The following ATXN8OS variants were observed in gnomAD, a reference collection of about 807,000 sequenced individuals.
ATXN8OS encodes ATXN8 opposite strand (non-protein coding).
chr13:70,143,474 C>T (rs941421884), intron 3 of ATXN8OS, among the ~76,000 whole-genome samples: 65 of 152,102 alleles, frequency 4.3e-4, no homozygotes, highest in African/African-American at 1.4e-3. Flanking sequence ...TCTGTGCTCA[C>T]GTCAAATGAA....
intron 1 of ATXN8OS, among the ~76,000 whole-genome samples, chr13:70,114,881 C>G (rs1023888613): frequency 1.3e-5 from 2 of 151,984 alleles, no homozygotes; most frequent in Non-Finnish European, 2.9e-5. Context: ...ACTTTTTCTC[C>G]TATTTTAAAA....
At chr13:70,111,831 T>A (rs1200601581) in intron 1 of ATXN8OS, among the ~76,000 whole-genome samples, 2 of 152,218 alleles carry the variant, frequency 1.3e-5, no homozygotes, top group African/African-American at 4.8e-5. Context: ...AACATTTGAA[T>A]GGCTAATTAT....
intron 3 of ATXN8OS, chr13:70,131,446 C>T (rs17823784): frequency 0.14 from 56,306 of 398,372 alleles, 4,382 homozygotes; most frequent in Admixed American, 0.22. Context: ...GGGCCAGCAG[C>T]TTCCAGTCAC....
intron 4 of ATXN8OS, among the ~76,000 whole-genome samples, chr13:70,147,800 G>A (rs752615446): frequency 6.6e-6 from 1 of 152,142 alleles, no homozygotes; most frequent in Non-Finnish European, 1.5e-5. Flanking sequence ...TGCCCAAGAT[G>A]ATACAGCCTC....
chr13:70,138,787 T>G (rs955967979), intron 3 of ATXN8OS, among the ~76,000 whole-genome samples: 3 of 152,126 alleles, frequency 2.0e-5, no homozygotes, highest in Non-Finnish European at 4.4e-5. Context: ...ATTTTAACCT[T>G]TAATTTAAAA....
chr13:70,146,073 A>G (rs1888782059), intron 3 of ATXN8OS, among the ~76,000 whole-genome samples: 1 of 138,796 alleles, frequency 7.2e-6, no homozygotes. Flanking sequence ...CAAGAAAAAA[A>G]AAAAACAACC....
At chr13:70,131,523 A>G (rs2137483642) in intron 3 of ATXN8OS, 1 of 398,398 alleles carries the variant, frequency 2.5e-6, no homozygotes, top group African/African-American at 2.1e-5. Flanking sequence ...ATATTCCTGT[A>G]ATTAAATATT....
chr13:70,131,200 T>C (rs1191273654), intron 3 of ATXN8OS: 10 of 397,368 alleles, frequency 2.5e-5, no homozygotes, highest in Non-Finnish European at 4.4e-5. Flanking sequence ...AGTATATCTG[T>C]CACAATGTGT....
intron 3 of ATXN8OS, among the ~76,000 whole-genome samples, chr13:70,144,941 T>G (rs558557360): frequency 3.9e-5 from 6 of 152,272 alleles, no homozygotes; most frequent in African/African-American, 1.4e-4. Context: ...ATCCAATTTC[T>G]TTCTATGTCA....
rs189836132 is a variant in ATXN8OS at position 70,167,669 on chromosome 13, A to T, written n.574-2084A>T. 3.7e-3 allele frequency among the ~76,000 whole-genome samples: 553 copies of T among 150,908 alleles called. 4 individuals are homozygous for T. The highest frequency in any genetic ancestry group is 0.013 in the African/African-American group (527 of 41,196). On this transcript the variant is annotated intron_variant and non_coding_transcript_variant, in intron 4 of 4. Transcript: ENST00000678624. The stretch of plus-strand genomic sequence containing the variant: ...AAAACTTAAAGTATAATAATAACTT[A>T]AAAAAAAAGAAAATTCAGAAAGAGC...
At chr13:70,133,231 C>T (rs538011465) in intron 3 of ATXN8OS, among the ~76,000 whole-genome samples, 351 of 152,168 alleles carry the variant, frequency 2.3e-3, no homozygotes, top group Admixed American at 5.3e-3. Context: ...CATGGTGAGA[C>T]CTTGTGTCTA....
chr13:70,157,406 T>C (rs555088936), intron 4 of ATXN8OS, among the ~76,000 whole-genome samples: 19 of 152,214 alleles, frequency 1.2e-4, no homozygotes, highest in Non-Finnish European at 2.5e-4. Context: ...AGAATGTGAC[T>C]CTTTCAGCAA....
chr13:70,141,709 GATTAT>G (rs950410236), intron 3 of ATXN8OS, among the ~76,000 whole-genome samples: 9 of 151,818 alleles, frequency 5.9e-5, no homozygotes, highest in African/African-American at 2.2e-4. Context: ...CCAGGAAACT[GATTAT>G]AACATTTTTA....
intron 4 of ATXN8OS, among the ~76,000 whole-genome samples, chr13:70,166,650 A>T (rs2137507933): frequency 6.6e-6 from 1 of 152,266 alleles, no homozygotes. Flanking sequence ...AATGGCAACA[A>T]AAGCCAAAAT....
chr13:70,159,044 C>T (rs1888969744), intron 4 of ATXN8OS, among the ~76,000 whole-genome samples: 1 of 151,584 alleles, frequency 6.6e-6, no homozygotes, highest in South Asian at 2.1e-4. Flanking sequence ...ATGCTTTATC[C>T]TGGATAATGA....
chr13:70,107,706 C>A (rs746738440), upstream of ATXN8OS: 18 of 1,514,190 alleles, frequency 1.2e-5, no homozygotes, highest in Non-Finnish European at 1.6e-5. Context: ...ACATGCTTTA[C>A]GCACAGAAGG....
intron 2 of ATXN8OS, among the ~76,000 whole-genome samples, chr13:70,117,830 A>G (rs1414027251): frequency 6.7e-6 from 1 of 148,336 alleles, no homozygotes. Context: ...AAATATTTGT[A>G]TATTTAAATG....
intron 4 of ATXN8OS, among the ~76,000 whole-genome samples, chr13:70,158,865 T>C (rs918901358): frequency 6.6e-6 from 1 of 152,174 alleles, no homozygotes; most frequent in Non-Finnish European, 1.5e-5. Context: ...GAGGGCCAGA[T>C]TTAGTTCATG....
At position 70,167,723 on chromosome 13, in the gene ATXN8OS, C is replaced by CTTTTTTTTTTTTTTTT. The variant is rs4053603; in HGVS notation, n.574-2019_574-2004dup. On this transcript the variant is annotated intron_variant and non_coding_transcript_variant, in intron 4 of 4. Coordinates refer to ENST00000678624, the Ensembl canonical transcript of ATXN8OS. ...AATACTATCACAACATATGTAACTT[C>CTTTTTTTTTTTTTTTT]TTTTTTTTTTTTTTTTTTTTTTTTT... Among the ~76,000 whole-genome samples the CTTTTTTTTTTTTTTTT allele has an allele frequency of 8.1e-5, 5 of 61,880 alleles. 1 individual carries two copies. The highest frequency in any genetic ancestry group is 5.0e-4 in the Admixed American group (2 of 4,034). 40.6% of individuals were successfully genotyped at this position (61,880 alleles called of 152,430 possible).
Sources: gnomAD v4.1 joint callset for allele counts (sites outside exome capture counted in the v4.1 genomes callset) on GRCh38, gnomAD v4.1.1 for gene constraint, MANE v1.5 for transcripts, NCBI Gene and HGNC (gene_info 2026-07-23, HGNC 2026-07-21) for gene names.